DNAH14: variants seen among roughly 807,000 people sequenced by gnomAD.
The protein encoded by DNAH14 is dynein axonemal heavy chain 14.
A neutral mutation model predicts 520.9 loss-of-function variants in DNAH14; 478 were observed. The observed-to-expected ratio is 0.92, with a 90% CI of 0.85 to 0.99. DNAH14 has a LOEUF of 0.99. DNAH14 is among the 50% of genes least tolerant of loss of function. The pLI is 0.00. For missense variants in DNAH14, 4,831 were observed against 5,234.5 expected (o/e 0.92, Z 2.38); for synonymous variants, 1,581 against 1,757.2 (o/e 0.90, Z 2.51).
intron 22 of DNAH14, among the ~76,000 whole-genome samples, chr1:225,097,925 G>C (rs2075130506): frequency 6.6e-6 from 1 of 152,186 alleles, no homozygotes; most frequent in African/African-American, 2.4e-5. Flanking sequence ...TAGGCTGAGT[G>C]TGGTGGCTTA....
chr1:225,116,170 C>A (rs984975459), intron 23 of DNAH14, among the ~76,000 whole-genome samples: 12 of 152,096 alleles, frequency 7.9e-5, no homozygotes, highest in Non-Finnish European at 1.2e-4. Flanking sequence ...AAACAGGTTG[C>A]AGATGGGAAA....
At chr1:225,051,418 T>C in intron 16 of DNAH14, 33 bp from the exon 17 acceptor site, 1 of 1,390,486 alleles carries the variant, frequency 7.2e-7, no homozygotes, top group Non-Finnish European at 9.4e-7. Context: ...AAAATAAAAA[T>C]TCTGACTAAC....
At chr1:225,119,193 T>G in intron 25 of DNAH14, 27 bp from the exon 26 acceptor site, 61 of 1,442,050 alleles carry the variant, frequency 4.2e-5, no homozygotes, top group Middle Eastern at 1.9e-4. Context: ...TAATTCTTCA[T>G]GATATTATTT....
At position 225,337,293 on chromosome 1, in the gene DNAH14, C is replaced by G; in HGVS notation, c.10108C>G (p.Pro3370Ala). ...CAGCCGATGGCATAATCAGGGACTG[C>G]CTCATGGTCAGTATTCAGTAGAGAA... Reference protein sequence around the residue: ...EISRWHNQGLPHGQYSVENAI... With the variant: ...EISRWHNQGLAHGQYSVENAI... Residue 3370 changes from proline to alanine, a missense_variant, in exon 67 of 86, where the codon CCT becomes GCT. Pro to Ala is a conservative substitution (Grantham distance 27). Transcript: ENST00000682510. The G allele has an allele frequency of 1.3e-6, 2 of 1,551,866 alleles. No homozygotes were observed. Among genetic ancestry groups the G allele is most frequent in the East Asian group, 4.9e-5 (2 of 40,912 alleles).
chr1:225,161,821 A>G (rs1272048975), intron 35 of DNAH14, among the ~76,000 whole-genome samples: 3 of 152,192 alleles, frequency 2.0e-5, no homozygotes, highest in Admixed American at 6.5e-5. Flanking sequence ...AGGAATGTCT[A>G]TTCAAATCTT....
At chr1:225,049,807 T>A (rs979722678) in intron 15 of DNAH14, among the ~76,000 whole-genome samples, 12 of 148,274 alleles carry the variant, frequency 8.1e-5, no homozygotes, top group South Asian at 4.3e-4. Flanking sequence ...TCTATCTATC[T>A]ATCAATCATC....
Position 225,358,665 on chromosome 1 carries a change from TG to T in DNAH14, c.11776+14del. ...ATTCAAACTCATGGTAAGCTATTTGTGAATAGTTAAGATGATCGATATGGTT... is the reference window on the plus strand; with the variant it reads ...ATTCAAACTCATGGTAAGCTATTTGTAATAGTTAAGATGATCGATATGGTT... On this transcript the variant is annotated intron_variant, in intron 74 of 85. Transcript: ENST00000682510. 6.5e-7 allele frequency: 1 copy of T among 1,544,674 alleles called. No homozygotes were observed. The highest frequency in any genetic ancestry group is 8.7e-7 in the Non-Finnish European group (1 of 1,144,972).
Position 225,353,799 on chromosome 1 carries a change from C to G in DNAH14, c.11534-4C>G, listed in dbSNP as rs755495789. 1.6e-4 allele frequency: 229 copies of G among 1,429,836 alleles called. No homozygotes were observed. Among genetic ancestry groups the G allele is most frequent in the Non-Finnish European group, 2.1e-4 (217 of 1,047,786 alleles). 88.6% of individuals were successfully genotyped at this position (1,429,836 alleles called of 1,614,324 possible). A position where few individuals can be genotyped will look rare whatever the true frequency, so the allele number is the denominator to read the frequency against. ...GCCAGTTTCTTTCTCTAAATTATAT[C>G]TAGCTGAACTTTTGAATGAAAATAA... On this transcript the variant is annotated splice_polypyrimidine_tract_variant and splice_region_variant and intron_variant, in intron 72 of 85. Coordinates refer to ENST00000682510, the MANE Select transcript of DNAH14 (RefSeq NM_001367479.1).
At chr1:225,260,403 A>G (rs2149764610) in intron 46 of DNAH14, among the ~76,000 whole-genome samples, 1 of 152,170 alleles carries the variant, frequency 6.6e-6, no homozygotes, top group East Asian at 1.9e-4. Context: ...GTGAGCCTAT[A>G]TCTTGTCTGT....
intron 7 of DNAH14, among the ~76,000 whole-genome samples, chr1:224,972,410 T>C (rs1208518116): frequency 2.0e-5 from 3 of 151,816 alleles, no homozygotes; most frequent in Non-Finnish European, 1.5e-5. Flanking sequence ...TTCAGGCCAT[T>C]CTCCTGCCTC....
At chr1:225,229,770 G>C (rs932886601) in intron 41 of DNAH14, among the ~76,000 whole-genome samples, 1 of 151,858 alleles carries the variant, frequency 6.6e-6, no homozygotes, top group Non-Finnish European at 1.5e-5. Flanking sequence ...CCTGTCAGGG[G>C]TGGGGGTCAA....
intron 27 of DNAH14, among the ~76,000 whole-genome samples, chr1:225,133,647 A>C (rs746371559): frequency 4.6e-5 from 7 of 152,168 alleles, no homozygotes; most frequent in Non-Finnish European, 8.8e-5. Context: ...TATAGTTTGA[A>C]GTCAAGTAGT....
intron 61 of DNAH14, among the ~76,000 whole-genome samples, 184 bp downstream of exon 61, chr1:225,318,861 A>G (rs995947667): frequency 1.3e-5 from 2 of 152,154 alleles, no homozygotes; most frequent in Non-Finnish European, 2.9e-5. Flanking sequence ...TATATACTGT[A>G]TCTTATCAAT....
Position 225,272,997 on chromosome 1 carries a change from T to C in DNAH14, c.7882T>C (p.Ser2628Pro). The change falls in exon 52 of 86, where the codon TCC becomes CCC. Residue 2628 changes from serine (S) to proline (P), a missense_variant. Transcript: ENST00000682510. Reference protein sequence around the residue: ...LLQADRTVVNSKEMAALLFVH... With the variant: ...LLQADRTVVNPKEMAALLFVH... ...GCAAGCTGACAGGACTGTTGTTAAC[T>C]CCAAAGAGATGGCTGCTCTGCTCTT... 1 of 1,551,136 alleles carries C rather than the reference T, an allele frequency of 6.4e-7. No homozygotes were observed. Among genetic ancestry groups the C allele is most frequent in the Non-Finnish European group, 8.7e-7 (1 of 1,146,822 alleles).
Position 225,192,771 on chromosome 1 carries a change from C to A in DNAH14, c.5746C>A (p.Gln1916Lys). ...TGTCACTCTCAGTGAACTATATGGA[C>A]AACTGGATCCTAATACTATGGAATG... ...KCVTLSELYG[Q>K]LDPNTMEWTD... is the part of the protein sequence containing the mutation. The change falls in exon 38 of 86, where the codon CAA (glutamine) becomes AAA (lysine). Residue 1916 changes from glutamine (Q) to lysine (K), a missense_variant. Physicochemically the swap from Gln to Lys is moderately conservative, Grantham distance 53 (BLOSUM62 1). Coordinates refer to ENST00000682510, the MANE Select transcript of DNAH14 (RefSeq NM_001367479.1). The A allele has an allele frequency of 1.3e-6, 2 of 1,550,076 alleles. No individual in the cohort carries two copies. The highest frequency in any genetic ancestry group is 1.7e-6 in the Non-Finnish European group (2 of 1,145,954).
At chr1:225,369,534 A>T (rs2095593310) in intron 77 of DNAH14, among the ~76,000 whole-genome samples, 1 of 152,060 alleles carries the variant, frequency 6.6e-6, no homozygotes, top group African/African-American at 2.4e-5. Flanking sequence ...ACATGTACAT[A>T]TATATGTATA....
chr1:225,357,091 G>C (rs1010148006), intron 73 of DNAH14, among the ~76,000 whole-genome samples: 3 of 152,136 alleles, frequency 2.0e-5, no homozygotes, highest in Non-Finnish European at 4.4e-5. Flanking sequence ...CCTAGAGAAG[G>C]AGAATTTCTC....
intron 41 of DNAH14, among the ~76,000 whole-genome samples, chr1:225,216,304 C>G (rs2089308549): frequency 6.6e-6 from 1 of 152,214 alleles, no homozygotes; most frequent in South Asian, 2.1e-4. Flanking sequence ...GGTAACCCAA[C>G]CTTTCTCTCT....
intron 77 of DNAH14, among the ~76,000 whole-genome samples, chr1:225,373,172 G>GAAAAA (rs3075885): frequency 0.032 from 4,283 of 135,720 alleles, 281 homozygotes; most frequent in East Asian, 0.26. Context: ...AGCATTTGTG[G>GAAAAA]AAAAAAAAAA....
Sources: gnomAD v4.1 joint callset for allele counts (sites outside exome capture counted in the v4.1 genomes callset) on GRCh38, gnomAD v4.1.1 for gene constraint, MANE v1.5 for transcripts, NCBI Gene and HGNC (gene_info 2026-07-23, HGNC 2026-07-21) for gene names.